The following DPYD variants were observed in gnomAD, a reference collection of about 807,000 sequenced individuals.
The protein encoded by DPYD is dihydropyrimidine dehydrogenase [NADP(+)].
Under a neutral mutation model 116.2 loss-of-function variants are expected in DPYD, and 109 were observed. The ratio of observed to expected loss-of-function variants is 0.94; its 90% CI spans 0.80 to 1.10. DPYD has a LOEUF of 1.10. Ranked by LOEUF, DPYD falls within the 50% of genes least tolerant of loss-of-function variation. DPYD has a pLI of 0.00. For missense variants in DPYD, 1,302 were observed against 1,254.5 expected, an observed-to-expected ratio of 1.04 and a Z score of -0.57; for synonymous variants, 440 against 432.0, an observed-to-expected ratio of 1.02 and a Z score of -0.23.
chr1:97,727,455 T>A (rs1663331077), intron 4 of DPYD, among the ~76,000 whole-genome samples: 1 of 151,714 alleles, frequency 6.6e-6, no homozygotes, highest in Admixed American at 6.6e-5. Flanking sequence ...AGCTTTTTAA[T>A]AGAAGGGTTC....
At chr1:97,490,984 T>C (rs1678941577) in intron 13 of DPYD, among the ~76,000 whole-genome samples, 1 of 150,848 alleles carries the variant, frequency 6.6e-6, no homozygotes, top group Admixed American at 6.6e-5. Context: ...ATATATACAT[T>C]GCATATAAAA....
rs751717379 is a variant in DPYD at position 97,804,664 on chromosome 1, A to T, written c.233+23450T>A. On this transcript the variant is annotated intron_variant, in intron 3 of 22. Transcript: ENST00000370192. Reference sequence around the variant, plus strand: ...TCTCTCCAGAGAAAAGAGGGAATTAAAGAAATTAGAAGATAACAGGTTGCA... The same window carrying T: ...TCTCTCCAGAGAAAAGAGGGAATTATAGAAATTAGAAGATAACAGGTTGCA... Among the ~76,000 whole-genome samples the T allele has an allele frequency of 4.5e-4, 69 of 151,874 alleles. 1 individual carries two copies. The highest frequency in any genetic ancestry group is 1.3e-3 in the Admixed American group (20 of 15,222).
chr1:97,857,315 G>A (rs1035885887), intron 2 of DPYD, among the ~76,000 whole-genome samples: 1 of 152,076 alleles, frequency 6.6e-6, no homozygotes, highest in African/African-American at 2.4e-5. Context: ...TAAAATCCTT[G>A]GAATCTCCAA....
intron 13 of DPYD, among the ~76,000 whole-genome samples, chr1:97,480,560 C>T (rs1570804667): frequency 6.6e-6 from 1 of 152,120 alleles, no homozygotes; most frequent in East Asian, 1.9e-4. Context: ...TTAACAAGAT[C>T]AAGGAAGAAG....
chr1:97,781,986 T>C (rs758731882), intron 3 of DPYD, among the ~76,000 whole-genome samples: 3 of 152,184 alleles, frequency 2.0e-5, no homozygotes, highest in Non-Finnish European at 4.4e-5. Flanking sequence ...CTGATTCACT[T>C]TAGCGTCAGG....
intron 19 of DPYD, among the ~76,000 whole-genome samples, chr1:97,202,625 T>G (rs538550100): frequency 2.9e-4 from 44 of 152,314 alleles, no homozygotes; most frequent in Non-Finnish European, 5.6e-4. Context: ...AGAGCATTTG[T>G]GAGACTGATC....
At chr1:97,761,180 A>G (rs1373974668) in intron 3 of DPYD, among the ~76,000 whole-genome samples, 1 of 152,168 alleles carries the variant, frequency 6.6e-6, no homozygotes, top group Non-Finnish European at 1.5e-5. Flanking sequence ...TCATCAAGAT[A>G]AAAACAAATA....
chr1:97,704,170 T>C (rs528210152), intron 5 of DPYD, among the ~76,000 whole-genome samples: 1 of 152,198 alleles, frequency 6.6e-6, no homozygotes, highest in Non-Finnish European at 1.5e-5. Flanking sequence ...TTATTTCATA[T>C]ATACACAATA....
intron 13 of DPYD, among the ~76,000 whole-genome samples, chr1:97,485,534 T>C (rs1678581270): frequency 6.6e-6 from 1 of 152,168 alleles, no homozygotes; most frequent in Non-Finnish European, 1.5e-5. Flanking sequence ...TCTCATTGTA[T>C]TTTCCATGTC....
intron 5 of DPYD, chr1:97,720,781 C>A (rs537580248): frequency 1.3e-6 from 2 of 1,503,200 alleles, no homozygotes; most frequent in African/African-American, 1.4e-5. Context: ...TCTTACTATA[C>A]CCTTCATATA....
At chr1:97,505,544 T>C (rs997526973) in intron 13 of DPYD, among the ~76,000 whole-genome samples, 6 of 151,902 alleles carry the variant, frequency 3.9e-5, no homozygotes, top group South Asian at 4.1e-4. Flanking sequence ...AACATTTTAG[T>C]ATTAAGTAAC....
chr1:97,373,569 AG>A lies in DPYD; in HGVS notation c.2049del (p.Cys684ValfsTer27). On this transcript the variant is annotated frameshift_variant, in exon 16 of 23. Transcript: ENST00000370192. LOFTEE classifies it high-confidence loss of function. The stretch of plus-strand genomic sequence containing the variant: ...GCTGTCAAGGTCCTTACCTGCCCAC[AG>A]GCCAGGCCCATTCCTCTTTCTCCCA... ...HGMGERGMGL[A>X]CGQDPELVRN... is the part of the protein sequence containing the mutation. 1 of 1,613,596 alleles carries A rather than the reference AG, an allele frequency of 6.2e-7. No homozygotes were observed. Among genetic ancestry groups the A allele is most frequent in the Non-Finnish European group, 8.5e-7 (1 of 1,179,750 alleles).
chr1:97,686,733 G>C (rs1360187838), intron 7 of DPYD, among the ~76,000 whole-genome samples: 1 of 149,142 alleles, frequency 6.7e-6, no homozygotes, highest in Non-Finnish European at 1.5e-5. Flanking sequence ...TCAGGACATA[G>C]GCACGGGCAA....
chr1:97,381,747 T>C (rs186713114), intron 15 of DPYD, among the ~76,000 whole-genome samples: 8 of 152,306 alleles, frequency 5.3e-5, no homozygotes, highest in Admixed American at 5.2e-4. Flanking sequence ...CTCCAGACTA[T>C]TTTCCATGAC....
At chr1:97,856,862 G>A (rs982100075) in intron 2 of DPYD, 2 of 152,278 alleles carry the variant, frequency 1.3e-5, no homozygotes, top group Non-Finnish European at 2.9e-5. Context: ...GGCATTGGCA[G>A]ATGCTGCAGA....
intron 8 of DPYD, among the ~76,000 whole-genome samples, chr1:97,632,845 A>C (rs186976596): frequency 2.0e-5 from 3 of 152,226 alleles, no homozygotes; most frequent in African/African-American, 7.2e-5. Context: ...AAAAGACGAA[A>C]ATTAGACAAA....
intron 1 of DPYD, among the ~76,000 whole-genome samples, chr1:97,915,462 A>G (rs1674165194): frequency 6.6e-6 from 1 of 152,128 alleles, no homozygotes. Flanking sequence ...AGCAGTAATA[A>G]TTATAAACCA....
intron 3 of DPYD, among the ~76,000 whole-genome samples, chr1:97,755,675 A>G (rs1362384214): frequency 6.6e-6 from 1 of 152,198 alleles, no homozygotes; most frequent in Non-Finnish European, 1.5e-5. Flanking sequence ...AAAAGGCAGT[A>G]TGGTTTAATG....
intron 13 of DPYD, among the ~76,000 whole-genome samples, chr1:97,477,586 C>T (rs976042805): frequency 1.3e-5 from 2 of 151,220 alleles, no homozygotes; most frequent in Non-Finnish European, 2.9e-5. Flanking sequence ...ATTCTGACCT[C>T]CTTCCATGAC....
Sources: allele counts gnomAD v4.1 joint callset (sites outside exome capture counted in the v4.1 genomes callset), GRCh38; gene constraint gnomAD v4.1.1; transcripts MANE v1.5; gene names NCBI Gene and HGNC (gene_info 2026-07-23, HGNC 2026-07-21).